The following PRKCA variants were observed in gnomAD, a reference collection of about 807,000 sequenced individuals.
PRKCA encodes protein kinase C alpha, also known as protein kinase C alpha type.
In PRKCA, 27 loss-of-function variants were observed where a neutral mutation model predicts 87.0. The observed-to-expected ratio is 0.31, with a 90% CI of 0.23 to 0.43. The LOEUF (loss-of-function observed/expected upper bound fraction) is 0.43. PRKCA is among the 20% of genes least tolerant of loss of function. PRKCA has a pLI of 1.00. For missense variants in PRKCA, 518 were observed against 852.3 expected, an observed-to-expected ratio of 0.61 and a Z score of 4.88; for synonymous variants, 329 against 311.1, an observed-to-expected ratio of 1.06 and a Z score of -0.61.
intron 5 of PRKCA, among the ~76,000 whole-genome samples, chr17:66,648,293 T>C (rs569888962): frequency 2.0e-5 from 3 of 152,382 alleles, no homozygotes; most frequent in South Asian, 2.1e-4. Context: ...TCTGAAGATA[T>C]GAATTCAGAC....
chr17:66,324,968 T>C (rs1297343509), intron 2 of PRKCA, among the ~76,000 whole-genome samples: 1 of 152,234 alleles, frequency 6.6e-6, no homozygotes, highest in Admixed American at 6.5e-5. Flanking sequence ...CCTTCCTAGC[T>C]ACAGATCTCC....
intron 3 of PRKCA, among the ~76,000 whole-genome samples, chr17:66,577,557 C>A (rs1447634276): frequency 1.3e-5 from 2 of 152,160 alleles, no homozygotes. Flanking sequence ...AATAGCTCAG[C>A]CCCTGGCCTG....
At chr17:66,731,779 T>C (rs1278979198) in intron 8 of PRKCA, among the ~76,000 whole-genome samples, 1 of 102,442 alleles carries the variant, frequency 9.8e-6, no homozygotes, top group Non-Finnish European at 2.0e-5. Context: ...CCCTTTCTTT[T>C]TTTTTTTTTT....
rs187115117 is a variant in PRKCA at position 66,722,177 on chromosome 17, G to A, written c.919-10511G>A. ...TGGTCTGTCTGATTTTCCATATAGT[G>A]TATATTCATTATATAAAATTCAAAC... On this transcript the variant is annotated intron_variant, in intron 8 of 16. Transcript: ENST00000413366. Among the ~76,000 whole-genome samples the A allele has an allele frequency of 1.7e-3, 265 of 152,310 alleles. 1 individual carries two copies. Among genetic ancestry groups the A allele is most frequent in the African/African-American group, 5.8e-3 (241 of 41,570 alleles).
At chr17:66,638,693 C>T (rs975065009) in intron 3 of PRKCA, among the ~76,000 whole-genome samples, 2 of 151,940 alleles carry the variant, frequency 1.3e-5, no homozygotes, top group Non-Finnish European at 2.9e-5. Flanking sequence ...CTAAAAATAC[C>T]AAAAATTAGC....
intron 2 of PRKCA, among the ~76,000 whole-genome samples, chr17:66,380,994 C>T (rs991819094): frequency 6.7e-6 from 1 of 149,442 alleles, no homozygotes; most frequent in Non-Finnish European, 1.5e-5. Context: ...CGCTAGAGTA[C>T]AGTGGCACCA....
chr17:66,364,214 C>T (rs1343515720), intron 2 of PRKCA: 5 of 152,148 alleles, frequency 3.3e-5, no homozygotes, highest in Non-Finnish European at 7.3e-5. Context: ...TGTGAACCTA[C>T]CCAGGTCAGA....
intron 5 of PRKCA, among the ~76,000 whole-genome samples, chr17:66,656,271 C>T (rs1054509133): frequency 9.2e-5 from 14 of 152,212 alleles, no homozygotes; most frequent in Admixed American, 3.9e-4. Context: ...TTTATAGGGT[C>T]ATCAGTCATC....
chr17:66,347,960 T>TTTTTTTTTTTTTTTTTTTA (rs1907503291), intron 2 of PRKCA, among the ~76,000 whole-genome samples: 1 of 143,970 alleles, frequency 6.9e-6, no homozygotes, highest in Non-Finnish European at 1.5e-5. Context: ...TTTTTTTTTT[T>TTTTTTTTTTTTTTTTTTTA]GAGACAAAGT....
intron 2 of PRKCA, among the ~76,000 whole-genome samples, chr17:66,382,398 T>A (rs569346962): frequency 6.6e-5 from 10 of 152,328 alleles, no homozygotes; most frequent in African/African-American, 2.2e-4. Flanking sequence ...CCTCCCAGGC[T>A]TAAGCGATTC....
Position 66,804,000 on chromosome 17 carries a change from C to T in PRKCA, c.1982C>T (p.Pro661Leu). 2 of 1,613,790 alleles carry T rather than the reference C, an allele frequency of 1.2e-6. No individual in the cohort carries two copies. Among genetic ancestry groups the T allele is most frequent in the Non-Finnish European group, 1.7e-6 (2 of 1,179,876 alleles). Reference sequence around the variant, plus strand: ...TTTGAAGGGTTCTCGTATGTCAACCCCCAGTTTGTGCACCCCATCTTACAG... The same window carrying T: ...TTTGAAGGGTTCTCGTATGTCAACCTCCAGTTTGTGCACCCCATCTTACAG... ...SDFEGFSYVN[P>L]QFVHPILQSA... Residue 661 changes from proline (P) to leucine (L), a missense_variant, in exon 17 of 17, where the codon CCC becomes CTC. Pro to Leu is a moderately conservative substitution (Grantham distance 98). This residue lies in a region of PRKCA where 159 missense variants were observed against 232.4 expected (regional missense o/e 0.68). Transcript: ENST00000413366. The surrounding 1 kb of genome is among the most constrained non-coding windows in gnomAD (Gnocchi z 4.4).
At chr17:66,637,451 C>T (rs1971176555) in intron 3 of PRKCA, among the ~76,000 whole-genome samples, 1 of 152,154 alleles carries the variant, frequency 6.6e-6, no homozygotes, top group Admixed American at 6.5e-5. Flanking sequence ...GAACATTCTT[C>T]CTGATGTCCT....
intron 3 of PRKCA, among the ~76,000 whole-genome samples, chr17:66,596,515 T>G (rs1318134206): frequency 6.6e-6 from 1 of 151,712 alleles, no homozygotes; most frequent in Non-Finnish European, 1.5e-5. Context: ...AAGGGGAAGA[T>G]TTTAGTTCAT....
chr17:66,429,846 G>A (rs1913010488), intron 2 of PRKCA, among the ~76,000 whole-genome samples: 1 of 152,126 alleles, frequency 6.6e-6, no homozygotes, highest in South Asian at 2.1e-4. Flanking sequence ...GGGAGTGGTG[G>A]TTTATGTAGT....
chr17:66,488,202 T>G (rs904419600), intron 2 of PRKCA, among the ~76,000 whole-genome samples: 3 of 152,214 alleles, frequency 2.0e-5, no homozygotes, highest in Admixed American at 6.5e-5. Flanking sequence ...TTTAGAATTC[T>G]TTCTGTGGAA....
chr17:66,550,179 A>G (rs1370331243), intron 3 of PRKCA, among the ~76,000 whole-genome samples: 2 of 152,134 alleles, frequency 1.3e-5, no homozygotes, highest in African/African-American at 4.8e-5. Flanking sequence ...CATGATGGAA[A>G]ATGAGATCCC....
rs566876507 is a variant in PRKCA, at chr17:66,572,883, G to C, written c.289-68472G>C. On this transcript the variant is annotated intron_variant, in intron 3 of 16. Coordinates refer to ENST00000413366, the MANE Select transcript of PRKCA (RefSeq NM_002737.3). Reference sequence around the variant, plus strand: ...GAGATGAATATCTGTCCCCTTTTGAGTAAATTTCAATTAAAAAATACAGAG... The same window carrying C: ...GAGATGAATATCTGTCCCCTTTTGACTAAATTTCAATTAAAAAATACAGAG... Among the ~76,000 whole-genome samples the C allele has an allele frequency of 2.8e-4, 43 of 152,218 alleles. No individual in the cohort carries two copies. In the South Asian group the frequency reaches 8.7e-3, roughly 31 times the overall value.
chr17:66,549,101 G>C (rs896707673), intron 3 of PRKCA, among the ~76,000 whole-genome samples: 2 of 151,722 alleles, frequency 1.3e-5, no homozygotes, highest in African/African-American at 4.8e-5. Flanking sequence ...CCACCGTGCC[G>C]GGCCACTTTC....
At chr17:66,753,185 A>C (rs1974474673) in intron 13 of PRKCA, among the ~76,000 whole-genome samples, 1 of 152,206 alleles carries the variant, frequency 6.6e-6, no homozygotes, top group African/African-American at 2.4e-5. Context: ...TCTCCCCACC[A>C]GTCCCCAGGC....
Sources: allele counts gnomAD v4.1 joint callset (sites outside exome capture counted in the v4.1 genomes callset), GRCh38; gene constraint gnomAD v4.1.1; regional missense constraint gnomAD v4.1.1; non-coding constraint Gnocchi (gnomAD v3.1); transcripts MANE v1.5; gene names NCBI Gene and HGNC (gene_info 2026-07-23, HGNC 2026-07-21).